RHOXF1: variants seen among roughly 807,000 people sequenced by gnomAD.
The protein encoded by RHOXF1 is PEPP subfamily gene 1.
A neutral mutation model predicts 9.7 loss-of-function variants in RHOXF1; 1 was observed. The ratio of observed to expected loss-of-function variants is 0.10; its 90% CI spans 0.04 to 0.49. The LOEUF is 0.49. RHOXF1 is among the 20% of genes least tolerant of loss of function. The pLI is 0.95. For missense variants in RHOXF1, 179 were observed against 168.0 expected (o/e 1.07, Z -0.36); for synonymous variants, 72 against 70.2 (o/e 1.03, Z -0.13).
chrX:120,115,353 C>T, intron 1 of RHOXF1, 112 bp downstream of exon 1: 1 of 583,860 alleles, frequency 1.7e-6, no homozygotes, highest in Non-Finnish European at 2.5e-6. Context: ...AGCACAAAGG[C>T]AGGCAAGGAC....
upstream of RHOXF1, among the ~76,000 whole-genome samples, chrX:120,120,028 A>G (rs111609707): frequency 0.024 from 2,641 of 111,152 alleles, 77 homozygotes; most frequent in African/African-American, 0.082. Context: ...CGGTAGACCA[A>G]TATCATAGTA....
chrX:120,114,771 G>A (rs1015363101), intron 1 of RHOXF1, among the ~76,000 whole-genome samples: 1 of 112,116 alleles, frequency 8.9e-6, no homozygotes, highest in Non-Finnish European at 1.9e-5. Context: ...CATTAGGATG[G>A]CTATGTAAAA....
rs1210407673 is a variant in RHOXF1, at chrX:120,115,337, C to T, written c.398+128G>A. 14 of 467,515 alleles carry T rather than the reference C, an allele frequency of 3.0e-5. No homozygotes were observed. In the East Asian group the frequency reaches 5.7e-4, roughly 19 times the overall value. The allele number at this position is 467,515 out of a possible 1,213,427, so 38.5% of individuals were successfully genotyped here. ...TGCCCAGGAGGTAAATATCCCCCTCCACACCAGCACAAAGGCAGGCAAGGA... is the reference window on the plus strand; with the variant it reads ...TGCCCAGGAGGTAAATATCCCCCTCTACACCAGCACAAAGGCAGGCAAGGA... On this transcript the variant is annotated intron_variant, in intron 1 of 2. Coordinates refer to ENST00000217999, the MANE Select transcript of RHOXF1 (RefSeq NM_139282.3).
intron 2 of RHOXF1, 120 bp downstream of exon 2, chrX:120,112,749 A>C: frequency 2.3e-6 from 1 of 438,909 alleles, no homozygotes; most frequent in Non-Finnish European, 3.8e-6. Flanking sequence ...CAACATAAAA[A>C]AGACAATAAT....
At chrX:120,112,832 G>T in intron 2 of RHOXF1, 37 bp downstream of exon 2, 1 of 1,085,088 alleles carries the variant, frequency 9.2e-7, no homozygotes, top group Non-Finnish European at 1.3e-6. Flanking sequence ...GTTTTAGAAT[G>T]GCTGTCCTCT....
chrX:120,116,015 A>G, upstream of RHOXF1: 1 of 56,153 alleles, frequency 1.8e-5, no homozygotes, highest in East Asian at 4.1e-4. Flanking sequence ...GAGGGAATGG[A>G]GAGGAGTGGG....
rs782019028 is a variant in RHOXF1, at chrX:120,113,910, G to A, written c.399-996C>T. Among the ~76,000 whole-genome samples, 48 of 109,004 alleles carry A rather than the reference G, an allele frequency of 4.4e-4. 2 individuals are homozygous for A. The South Asian group carries it at 0.018, about 41-fold the overall frequency. 94.7% of individuals were successfully genotyped at this position (109,004 alleles called of 115,157 possible). A position where few individuals can be genotyped will look rare whatever the true frequency, so the allele number is the denominator to read the frequency against. On this transcript the variant is annotated intron_variant, in intron 1 of 2. Coordinates refer to ENST00000217999, the MANE Select transcript of RHOXF1 (RefSeq NM_139282.3). ...AGTTTGAGACTAGCCTGGGCAACAC[G>A]GCGAAACCTTATCTCTACACACAAA...
At chrX:120,120,131 C>T (rs12689796), upstream of RHOXF1, among the ~76,000 whole-genome samples, 1 of 111,447 alleles carries the variant, frequency 9.0e-6, no homozygotes, top group Non-Finnish European at 1.9e-5. Flanking sequence ...ATCTTGAAGG[C>T]AGAACCATAG....
chrX:120,112,507 A>G (rs868936018), intron 2 of RHOXF1, among the ~76,000 whole-genome samples: 2 of 106,233 alleles, frequency 1.9e-5, no homozygotes, highest in African/African-American at 3.3e-5. Context: ...ACATATATGT[A>G]TTATATATAA....
In RHOXF1 at chrX:120,109,128, G is replaced by T. The variant is rs528707154; in HGVS notation, c.*64C>A. 23 of 705,415 alleles carry T rather than the reference G, an allele frequency of 3.3e-5. No individual in the cohort carries two copies. Among genetic ancestry groups the T allele is most frequent in the Non-Finnish European group, 4.9e-5 (22 of 450,977 alleles). 58.1% of individuals were successfully genotyped at this position (705,415 alleles called of 1,213,427 possible). A position where few individuals can be genotyped will look rare whatever the true frequency, so the allele number is the denominator to read the frequency against. On this transcript the variant is annotated 3_prime_UTR_variant, in exon 3 of 3. Transcript: ENST00000217999. ...AGCCTGAGCGGCATGGGCAGCCCAG[G>T]TGTCAGTGGCACCAGAAAAACCCAT...
At chrX:120,117,519 T>G (rs6646574), upstream of RHOXF1, 4 of 110,620 alleles carry the variant, frequency 3.6e-5, no homozygotes, top group African/African-American at 1.3e-4. Flanking sequence ...TTATTTGAGG[T>G]TTTTTTGGCA....
upstream of RHOXF1, among the ~76,000 whole-genome samples, chrX:120,116,990 G>A (rs1253504468): frequency 2.7e-5 from 3 of 111,520 alleles, no homozygotes; most frequent in African/African-American, 9.8e-5. Flanking sequence ...TGGAGATTTG[G>A]GATTTAAGGA....
upstream of RHOXF1, among the ~76,000 whole-genome samples, chrX:120,118,488 A>G (rs1312932097): frequency 8.9e-6 from 1 of 111,949 alleles, no homozygotes; most frequent in Non-Finnish European, 1.9e-5. Context: ...AGGAAAAAAT[A>G]ATTCATTTGA....
Position 120,109,281 on chromosome X carries a change from C to A in RHOXF1, c.466G>T (p.Ala156Ser). 8.5e-7 allele frequency: 1 copy of A among 1,180,140 alleles called. No homozygotes were observed. Among genetic ancestry groups the A allele is most frequent in the Non-Finnish European group, 1.1e-6 (1 of 870,654 alleles). Residue 156 changes from alanine (A) to serine (S), a missense_variant, in exon 3 of 3, where the codon GCC becomes TCC. Ala to Ser is a moderately conservative substitution (Grantham distance 99). Transcript: ENST00000217999. ...KVRVWFKNKR[A>S]RCRRHQRELM... ...TCTCTCTGATGTCGCCTACATCTGGCCCTTTTATTCTTAAACCAAACCTAC... is the reference window on the plus strand; with the variant it reads ...TCTCTCTGATGTCGCCTACATCTGGACCTTTTATTCTTAAACCAAACCTAC...
rs782260547 is a variant in RHOXF1, at chrX:120,115,677, G to T, written c.186C>A (p.Arg62=). The T allele has an allele frequency of 5.8e-5, 70 of 1,199,267 alleles. No individual in the cohort carries two copies. The highest frequency in any genetic ancestry group is 7.4e-5 in the Non-Finnish European group (66 of 889,493). ...CGCCCTCGGGGATCATGCCGCCATCGCGGTTCATGCCGTTCTCGTGGTTCA... is the reference window on the plus strand; with the variant it reads ...CGCCCTCGGGGATCATGCCGCCATCTCGGTTCATGCCGTTCTCGTGGTTCA... ...GGVNHENGMN[R]DGGMIPEGGG... is the part of the protein sequence containing the mutation. Residue 62 remains arginine (R), a synonymous_variant, in exon 1 of 3, where the codon CGC becomes CGA. Coordinates refer to ENST00000217999, the MANE Select transcript of RHOXF1 (RefSeq NM_139282.3).
chrX:120,111,923 A>G (rs2057266516), intron 2 of RHOXF1, among the ~76,000 whole-genome samples: 1 of 111,999 alleles, frequency 8.9e-6, no homozygotes, highest in Non-Finnish European at 1.9e-5. Context: ...CAAACCTTAC[A>G]AACCTTCCTC....
At position 120,112,348 on chromosome X, in the gene RHOXF1, A is replaced by G. The variant is rs1465467921; in HGVS notation, c.444+521T>C. On this transcript the variant is annotated intron_variant, in intron 2 of 2. Transcript: ENST00000217999. ...TGTTCCTAAAAGATACCAGCGTTAG[A>G]AGGAGTTGAATTTTATTTATTGGAT... is the stretch of plus-strand genomic sequence containing the variant. Among the ~76,000 whole-genome samples the G allele has an allele frequency of 5.6e-5, 6 of 106,550 alleles. No homozygotes were observed. The East Asian group carries it at 8.6e-4, about 15-fold the overall frequency. The allele number at this position is 106,550 out of a possible 115,157, so 92.5% of individuals were successfully genotyped here. A position where few individuals can be genotyped will look rare whatever the true frequency, so the allele number is the denominator to read the frequency against.
rs2057291194 is a variant in RHOXF1, at chrX:120,115,685, T to C, written c.178A>G (p.Met60Val). The change falls in exon 1 of 3, where the codon ATG becomes GTG. Residue 60 changes from methionine (M) to valine (V), a missense_variant. Transcript: ENST00000217999. ...PEGGVNHENGMNRDGGMIPEG... is the reference protein window; with the variant it reads ...PEGGVNHENGVNRDGGMIPEG... ...GGGATCATGCCGCCATCGCGGTTCA[T>C]GCCGTTCTCGTGGTTCACACCGCCC... 3 of 1,206,032 alleles carry C rather than the reference T, an allele frequency of 2.5e-6. No homozygotes were observed. The highest frequency in any genetic ancestry group is 3.0e-5 in the East Asian group (1 of 33,653).
intron 2 of RHOXF1, among the ~76,000 whole-genome samples, chrX:120,112,540 T>C (rs1353296265): frequency 1.6e-4 from 16 of 99,444 alleles, no homozygotes; most frequent in African/African-American, 5.0e-4. Flanking sequence ...TTATATATAA[T>C]ACATATATGT....
Sources: gnomAD v4.1 joint callset for allele counts (sites outside exome capture counted in the v4.1 genomes callset) on GRCh38, gnomAD v4.1.1 for gene constraint, MANE v1.5 for transcripts, NCBI Gene and HGNC (gene_info 2026-07-23, HGNC 2026-07-21) for gene names.